Variants in PCDH15 observed in about 807,000 individuals in gnomAD.
PCDH15 encodes protocadherin related 15.
A neutral mutation model predicts 178.5 loss-of-function variants in PCDH15; 129 were observed. The ratio of observed to expected loss-of-function variants is 0.72; its 90% CI spans 0.63 to 0.84. The LOEUF is 0.84. Among genes scored for constraint, PCDH15 ranks in the 40% least tolerant of loss-of-function variants. The pLI, the probability that PCDH15 is intolerant of heterozygous loss-of-function variation, is 0.00. For missense variants in PCDH15, 2,230 were observed against 2,099.9 expected, an observed-to-expected ratio of 1.06 and a Z score of -1.21; for synonymous variants, 800 against 732.0, an observed-to-expected ratio of 1.09 and a Z score of -1.50.
intron 26 of PCDH15, among the ~76,000 whole-genome samples, chr10:53,895,020 C>T (rs2081856136): frequency 6.6e-6 from 1 of 152,110 alleles, no homozygotes; most frequent in African/African-American, 2.4e-5. Flanking sequence ...ACTTATTGCT[C>T]CTGTGATGCA....
At chr10:55,499,680 A>G (rs1033606193) in intron 2 of PCDH15, among the ~76,000 whole-genome samples, 9 of 151,820 alleles carry the variant, frequency 5.9e-5, no homozygotes, top group African/African-American at 2.2e-4. Flanking sequence ...CCTAAAAAAA[A>G]TTCCATGTTG....
At chr10:54,431,378 T>C (rs1204072633) in intron 3 of PCDH15, among the ~76,000 whole-genome samples, 1 of 152,092 alleles carries the variant, frequency 6.6e-6, no homozygotes, top group Non-Finnish European at 1.5e-5. Flanking sequence ...GCTAACCAAA[T>C]TCAACAATAC....
At chr10:55,055,947 T>C (rs1841287979) in intron 2 of PCDH15, among the ~76,000 whole-genome samples, 1 of 152,166 alleles carries the variant, frequency 6.6e-6, no homozygotes, top group African/African-American at 2.4e-5. Context: ...ATAAGGAAAA[T>C]AGTATAACTT....
At chr10:54,167,558 C>T (rs2046357736) in intron 13 of PCDH15, among the ~76,000 whole-genome samples, 4 of 152,036 alleles carry the variant, frequency 2.6e-5, no homozygotes, top group African/African-American at 9.7e-5. Context: ...GGTCCTTCAC[C>T]CTTAGCGGCA....
chr10:54,427,743 T>TCA, intron 3 of PCDH15, among the ~76,000 whole-genome samples: 1 of 152,324 alleles, frequency 6.6e-6, no homozygotes, highest in East Asian at 1.9e-4. Flanking sequence ...ACCAAAAATT[T>TCA]CAGTAGACCA....
At chr10:54,547,657 TCA>T (rs1249190112) in intron 2 of PCDH15, among the ~76,000 whole-genome samples, 1 of 152,150 alleles carries the variant, frequency 6.6e-6, no homozygotes, top group Non-Finnish European at 1.5e-5. Flanking sequence ...TATAACTGGA[TCA>T]CACTATTTAC....
At chr10:54,238,613 A>G (rs114989602) in intron 8 of PCDH15, among the ~76,000 whole-genome samples, 156 of 150,442 alleles carry the variant, frequency 1.0e-3, no homozygotes, top group African/African-American at 3.6e-3. Context: ...CCAGAAGATT[A>G]TTGTTCTTAA....
intron 8 of PCDH15, among the ~76,000 whole-genome samples, chr10:54,304,469 A>C (rs12782239): frequency 0.074 from 11,239 of 152,102 alleles, 496 homozygotes; most frequent in African/African-American, 0.12. Context: ...AGAGTTTTAC[A>C]CAAAATGAAC....
At chr10:54,477,843 A>G (rs2078391110) in intron 3 of PCDH15, among the ~76,000 whole-genome samples, 1 of 152,136 alleles carries the variant, frequency 6.6e-6, no homozygotes. Context: ...TTGTCCTCCC[A>G]AAGTGCTGGG....
At chr10:54,680,010 G>T (rs1206921856) in intron 1 of PCDH15, among the ~76,000 whole-genome samples, 1 of 152,104 alleles carries the variant, frequency 6.6e-6, no homozygotes, top group Non-Finnish European at 1.5e-5. Context: ...AGACTGCCAA[G>T]ATAAAATATA....
intron 3 of PCDH15, among the ~76,000 whole-genome samples, chr10:54,822,564 T>C (rs943161375): frequency 6.6e-6 from 1 of 152,170 alleles, no homozygotes; most frequent in Non-Finnish European, 1.5e-5. Flanking sequence ...ACTCCACATG[T>C]TTGCTGTTTG....
intron 1 of PCDH15, among the ~76,000 whole-genome samples, chr10:54,741,046 T>G (rs373633458): frequency 6.6e-6 from 1 of 151,856 alleles, no homozygotes. Flanking sequence ...AAATGATAAA[T>G]GTGTAAGATG....
chr10:54,813,566 C>A (rs1215671942), intron 3 of PCDH15, among the ~76,000 whole-genome samples: 2 of 152,154 alleles, frequency 1.3e-5, no homozygotes, highest in South Asian at 2.1e-4. Flanking sequence ...TCTCTTATCT[C>A]TTTTCCAATC....
intron 23 of PCDH15, among the ~76,000 whole-genome samples, chr10:53,957,803 T>C (rs1564857434): frequency 6.6e-6 from 1 of 152,052 alleles, no homozygotes; most frequent in Non-Finnish European, 1.5e-5. Flanking sequence ...ATCCAAAGGA[T>C]TGGAAGCACA....
At chr10:54,847,686 A>G (rs1179908164) in intron 3 of PCDH15, among the ~76,000 whole-genome samples, 7 of 152,218 alleles carry the variant, frequency 4.6e-5, no homozygotes, top group African/African-American at 1.7e-4. Flanking sequence ...CTACTTACAA[A>G]TTAAATTTGA....
chr10:54,564,327 G>A (rs2088678535), intron 2 of PCDH15, among the ~76,000 whole-genome samples: 1 of 152,180 alleles, frequency 6.6e-6, no homozygotes, highest in Non-Finnish European at 1.5e-5. Context: ...ATTTTAGTGA[G>A]AGGATTGAGA....
intron 13 of PCDH15, among the ~76,000 whole-genome samples, chr10:54,166,921 G>A (rs2046291074): frequency 6.6e-6 from 1 of 152,086 alleles, no homozygotes; most frequent in South Asian, 2.1e-4. Flanking sequence ...TGAGCACCTT[G>A]CGAACCCCAC....
chr10:55,611,425 A>T (rs1843362439), intron 2 of PCDH15, among the ~76,000 whole-genome samples: 1 of 152,082 alleles, frequency 6.6e-6, no homozygotes, highest in Non-Finnish European at 1.5e-5. Flanking sequence ...CAATATCACC[A>T]TTGATTAGGA....
intron 3 of PCDH15, among the ~76,000 whole-genome samples, chr10:54,504,798 T>C (rs2081028904): frequency 6.6e-6 from 1 of 152,094 alleles, no homozygotes; most frequent in Non-Finnish European, 1.5e-5. Flanking sequence ...CTTGGATGTT[T>C]GAAAAGGTAG....
Sources: allele counts gnomAD v4.1 joint callset (sites outside exome capture counted in the v4.1 genomes callset), GRCh38; gene constraint gnomAD v4.1.1; transcripts MANE v1.5; gene names NCBI Gene and HGNC (gene_info 2026-07-23, HGNC 2026-07-21).